The following TTC17 variants were observed in gnomAD, a reference collection of about 807,000 sequenced individuals.
The protein encoded by TTC17 is tetratricopeptide repeat domain 17, also known as tetratricopeptide repeat protein 17.
Under a neutral mutation model 143.8 loss-of-function variants are expected in TTC17, and 58 were observed. That is an observed-to-expected ratio of 0.40 (90% CI 0.33 to 0.50). TTC17 has a LOEUF of 0.50. Ranked by LOEUF, TTC17 falls within the 20% of genes least tolerant of loss-of-function variation. The probability of loss-of-function intolerance (pLI) is 0.49; values close to 1 mark genes in which losing one functional copy is unlikely to be tolerated. For synonymous variants in TTC17, 501 were observed against 497.8 expected, an observed-to-expected ratio of 1.01 and a Z score of -0.09; for missense variants, 1,273 against 1,392.5, an observed-to-expected ratio of 0.91 and a Z score of 1.37.
intron 13 of TTC17, among the ~76,000 whole-genome samples, chr11:43,406,178 C>A (rs1246155838): frequency 6.6e-6 from 1 of 152,172 alleles, no homozygotes; most frequent in Admixed American, 6.5e-5. Context: ...AAACACTATT[C>A]CTCTAACGCA....
rs368723196 is a variant in TTC17, at chr11:43,405,309, A to G, written c.1480-205A>G. Reference sequence around the variant, plus strand: ...TGGCTCAACTGGCTTATACCCGCCCAACCCTGAACCAGTCTGTGGTAAAGC... The same window carrying G: ...TGGCTCAACTGGCTTATACCCGCCCGACCCTGAACCAGTCTGTGGTAAAGC... On this transcript the variant is annotated intron_variant, in intron 11 of 23. Transcript: ENST00000039989. Among the ~76,000 whole-genome samples the G allele has an allele frequency of 6.6e-5, 10 of 152,244 alleles. No homozygotes were observed. In the East Asian group the frequency reaches 1.7e-3, roughly 26 times the overall value.
At chr11:43,410,683 T>G (rs1858368904) in intron 15 of TTC17, among the ~76,000 whole-genome samples, 1 of 152,208 alleles carries the variant, frequency 6.6e-6, no homozygotes, top group African/African-American at 2.4e-5. Flanking sequence ...ACTTGACATT[T>G]CCACTTAGAT....
At chr11:43,471,160 C>T (rs1003531801) in intron 21 of TTC17, among the ~76,000 whole-genome samples, 23 of 152,168 alleles carry the variant, frequency 1.5e-4, no homozygotes, top group Non-Finnish European at 2.8e-4. Flanking sequence ...AGGGCTCCAC[C>T]GGTGGCCCTA....
Position 43,416,155 on chromosome 11 carries a change from G to A in TTC17, c.2251+1379G>A, listed in dbSNP as rs1457476163. The stretch of plus-strand genomic sequence containing the variant: ...TTATCTTCTTAATCCTGGAAGATAT[G>A]CTGTGGTCTTTTTTTGTTTGTTTGT... On this transcript the variant is annotated intron_variant, in intron 16 of 23. Transcript: ENST00000039989. 3.3e-5 allele frequency among the ~76,000 whole-genome samples: 5 copies of A among 152,084 alleles called. No individual in the cohort carries two copies. The East Asian group carries it at 7.7e-4, about 23-fold the overall frequency.
At chr11:43,445,795 C>G (rs1947527177) in intron 18 of TTC17, 1 of 615,338 alleles carries the variant, frequency 1.6e-6, no homozygotes, top group Admixed American at 2.5e-5. Context: ...CATGATGAAT[C>G]CTAACCAAGT....
intron 1 of TTC17, among the ~76,000 whole-genome samples, chr11:43,375,806 A>G (rs542463030): frequency 1.3e-5 from 2 of 152,234 alleles, no homozygotes; most frequent in African/African-American, 4.8e-5. Context: ...AAATGTTTAT[A>G]CTCTTAGATT....
chr11:43,385,022 C>T (rs1198461643), intron 2 of TTC17, among the ~76,000 whole-genome samples: 1 of 152,174 alleles, frequency 6.6e-6, no homozygotes, highest in East Asian at 1.9e-4. Context: ...ATGTACCTAA[C>T]AACTCGGCCT....
At chr11:43,443,987 A>T (rs987473566) in intron 17 of TTC17, 69 bp from the exon 18 acceptor site, 6 of 1,494,678 alleles carry the variant, frequency 4.0e-6, no homozygotes, top group African/African-American at 2.8e-5. Flanking sequence ...TTCTTAAACT[A>T]GTATTCACAA....
chr11:43,401,329 A>T, intron 9 of TTC17, 117 bp from the exon 10 acceptor site: 1 of 618,144 alleles, frequency 1.6e-6, no homozygotes. Flanking sequence ...GTCCTACGTA[A>T]GTAGCCTGCT....
At chr11:43,373,465 A>T (rs1330939904) in intron 1 of TTC17, among the ~76,000 whole-genome samples, 1 of 151,902 alleles carries the variant, frequency 6.6e-6, no homozygotes, top group Non-Finnish European at 1.5e-5. Context: ...CTGGAACTAC[A>T]GGCTCCCACC....
chr11:43,405,471 T>C lies in TTC17; in HGVS notation c.1480-43T>C, dbSNP rs773909053. ...AAAGTTTATTTAGCATATTGAAATATTGAATCCAAAGAAATTTATGAGAAA... is the reference window on the plus strand; with the variant it reads ...AAAGTTTATTTAGCATATTGAAATACTGAATCCAAAGAAATTTATGAGAAA... On this transcript the variant is annotated intron_variant, in intron 11 of 23. Coordinates refer to ENST00000039989, the MANE Select transcript of TTC17 (RefSeq NM_018259.6). The C allele has an allele frequency of 1.2e-5, 17 of 1,439,038 alleles. No individual in the cohort carries two copies. The South Asian group carries it at 1.7e-4, about 15-fold the overall frequency. The allele number at this position is 1,439,038 out of a possible 1,614,324, so 89.1% of individuals were successfully genotyped here.
At chr11:43,468,442 G>A (rs1028941234) in intron 21 of TTC17, 1 of 152,126 alleles carries the variant, frequency 6.6e-6, no homozygotes, top group Non-Finnish European at 1.5e-5. Context: ...GCATGGATAT[G>A]CATATAGAAG....
At chr11:43,445,843 G>T in intron 18 of TTC17, 1 of 718,854 alleles carries the variant, frequency 1.4e-6, no homozygotes, top group South Asian at 1.5e-5. Flanking sequence ...GAGCCCATGG[G>T]GGAAAAATGG....
At chr11:43,408,671 G>A (rs1858256288) in intron 15 of TTC17, among the ~76,000 whole-genome samples, 1 of 152,108 alleles carries the variant, frequency 6.6e-6, no homozygotes, top group Non-Finnish European at 1.5e-5. Flanking sequence ...AATTTTAGTT[G>A]TTAAATACCA....
intron 7 of TTC17, 45 bp downstream of exon 7, chr11:43,397,536 T>TA (rs1857647990): frequency 7.4e-5 from 106 of 1,437,740 alleles, no homozygotes; most frequent in Middle Eastern, 1.8e-4. Flanking sequence ...GTTGCCACTT[T>TA]CTTTTTTTTT....
chr11:43,483,885 T>C (rs1948332178), intron 21 of TTC17, among the ~76,000 whole-genome samples: 1 of 152,224 alleles, frequency 6.6e-6, no homozygotes, highest in Non-Finnish European at 1.5e-5. Flanking sequence ...CTCACGCCTG[T>C]AATCCCAGCA....
chr11:43,478,335 G>C (rs982821642), intron 21 of TTC17, among the ~76,000 whole-genome samples: 1 of 152,122 alleles, frequency 6.6e-6, no homozygotes, highest in East Asian at 1.9e-4. Context: ...TAAGACACTT[G>C]GGGTACATAG....
intron 16 of TTC17, chr11:43,435,100 T>TAGATAGATAGAC (rs1460162400): frequency 1.3e-5 from 2 of 151,968 alleles, no homozygotes; most frequent in East Asian, 3.9e-4. Flanking sequence ...GATAGATAGA[T>TAGATAGATAGAC]AGATAGATAG....
At chr11:43,474,411 G>C (rs1372345788) in intron 21 of TTC17, among the ~76,000 whole-genome samples, 4 of 152,132 alleles carry the variant, frequency 2.6e-5, no homozygotes, top group African/African-American at 9.7e-5. Flanking sequence ...TTTCCATAGA[G>C]GAAAGAAAAT....
Sources: allele counts gnomAD v4.1 joint callset (sites outside exome capture counted in the v4.1 genomes callset), GRCh38; gene constraint gnomAD v4.1.1; transcripts MANE v1.5; gene names NCBI Gene and HGNC (gene_info 2026-07-23, HGNC 2026-07-21).